REDIC1: variants seen among roughly 807,000 people sequenced by gnomAD.
REDIC1 encodes the protein HEI10 Interacting Protein 1.
chr12:39,692,135 AT>A, the REDIC1 span: 1 of 1,472,980 alleles, frequency 6.8e-7, no homozygotes, highest in Admixed American at 2.3e-5. Context: ...GTATAAGTTA[AT>A]TTTACTCTAT....
At chr12:39,702,614 G>A in the REDIC1 span, among the ~76,000 whole-genome samples, 4 of 151,818 alleles carry the variant, frequency 2.6e-5, no homozygotes, top group African/African-American at 9.7e-5. Flanking sequence ...TACCAAAGCC[G>A]GGCAGAGACA....
the REDIC1 span, among the ~76,000 whole-genome samples, chr12:39,785,695 G>A: frequency 6.6e-6 from 1 of 152,166 alleles, no homozygotes; most frequent in African/African-American, 2.4e-5. Flanking sequence ...AAAGCAGCCA[G>A]GAGGGAGGCT....
chr12:39,896,151 T>A, the REDIC1 span, among the ~76,000 whole-genome samples: 1 of 149,174 alleles, frequency 6.7e-6, no homozygotes, highest in Non-Finnish European at 1.5e-5. Context: ...CCTATATATG[T>A]ATACACGTGT....
At chr12:39,645,377 T>C in the REDIC1 span, among the ~76,000 whole-genome samples, 2 of 152,032 alleles carry the variant, frequency 1.3e-5, no homozygotes, top group Non-Finnish European at 2.9e-5. Flanking sequence ...AAAACAGTTA[T>C]CTTTTTACTC....
At chr12:39,880,319 C>T in the REDIC1 span, among the ~76,000 whole-genome samples, 4 of 152,110 alleles carry the variant, frequency 2.6e-5, no homozygotes, top group Non-Finnish European at 5.9e-5. Flanking sequence ...AAATGTTTTA[C>T]TCAAGATACA....
At chr12:39,673,390 A>G in the REDIC1 span, among the ~76,000 whole-genome samples, 1 of 152,206 alleles carries the variant, frequency 6.6e-6, no homozygotes. Context: ...ATTCTTCAGG[A>G]AATTCATTCA....
At chr12:39,713,759 A>C in the REDIC1 span, among the ~76,000 whole-genome samples, 10 of 149,400 alleles carry the variant, frequency 6.7e-5, no homozygotes, top group East Asian at 2.0e-3. Flanking sequence ...ACATGTATAC[A>C]CGTATATATA....
At chr12:39,672,034 GGT>G in the REDIC1 span, among the ~76,000 whole-genome samples, 4 of 152,156 alleles carry the variant, frequency 2.6e-5, no homozygotes, top group Non-Finnish European at 4.4e-5. Context: ...CACAGGCTAT[GGT>G]GGGTGGGGCA....
chr12:39,829,865 T>C, the REDIC1 span: 1 of 521,194 alleles, frequency 1.9e-6, no homozygotes. Flanking sequence ...TCCAAACTCC[T>C]ATACCTTATT....
the REDIC1 span, chr12:39,685,030 C>A: frequency 1.3e-6 from 1 of 748,830 alleles, no homozygotes; most frequent in South Asian, 2.6e-5. Context: ...AACATTTATT[C>A]ATTAATTTTT....
chr12:39,883,417 C>G, the REDIC1 span, among the ~76,000 whole-genome samples: 1 of 152,262 alleles, frequency 6.6e-6, no homozygotes, highest in East Asian at 1.9e-4. Context: ...AGCTTTTGAT[C>G]CAAACAATGA....
the REDIC1 span, among the ~76,000 whole-genome samples, chr12:39,742,417 G>T: frequency 6.6e-6 from 1 of 152,116 alleles, no homozygotes; most frequent in Non-Finnish European, 1.5e-5. Context: ...TGCGCTCTTG[G>T]CACCTTCACA....
At chr12:39,679,484 G>C in the REDIC1 span, among the ~76,000 whole-genome samples, 1 of 152,120 alleles carries the variant, frequency 6.6e-6, no homozygotes, top group African/African-American at 2.4e-5. Context: ...ACTTCTTAAA[G>C]AAATCATAGA....
At chr12:39,784,175 AT>A in the REDIC1 span, among the ~76,000 whole-genome samples, 1 of 152,194 alleles carries the variant, frequency 6.6e-6, no homozygotes, top group Non-Finnish European at 1.5e-5. Context: ...ATTCAATGCC[AT>A]CCCCATCAAG....
the REDIC1 span, among the ~76,000 whole-genome samples, chr12:39,802,556 C>T: frequency 6.6e-6 from 1 of 152,090 alleles, no homozygotes; most frequent in Non-Finnish European, 1.5e-5. Flanking sequence ...AGCAGAGATA[C>T]CCACCCACTG....
chr12:39,843,227 G>T, the REDIC1 span, among the ~76,000 whole-genome samples: 9 of 151,868 alleles, frequency 5.9e-5, no homozygotes, highest in African/African-American at 1.7e-4. Context: ...ACACTTTTTC[G>T]TACTTGATCT....
chr12:39,712,132 G>C, the REDIC1 span, among the ~76,000 whole-genome samples: 1 of 36,494 alleles, frequency 2.7e-5, no homozygotes, highest in East Asian at 6.0e-4. Context: ...ATACCTGTAT[G>C]TACATATACA....
the REDIC1 span, among the ~76,000 whole-genome samples, chr12:39,783,667 T>C: frequency 1.1e-4 from 17 of 152,356 alleles, no homozygotes; most frequent in Non-Finnish European, 2.1e-4. Context: ...ATAAATGTCT[T>C]CTTTTGAGAA....
the REDIC1 span, among the ~76,000 whole-genome samples, chr12:39,662,854 G>T: frequency 3.3e-5 from 5 of 151,906 alleles, no homozygotes; most frequent in South Asian, 8.3e-4. Flanking sequence ...GAATTTTATT[G>T]CATGCTTTTC....
Sources: allele counts gnomAD v4.1 joint callset (sites outside exome capture counted in the v4.1 genomes callset), GRCh38; gene constraint gnomAD v4.1.1; transcripts MANE v1.5; gene names NCBI Gene and HGNC (gene_info 2026-07-23, HGNC 2026-07-21).